HIF1A: variants seen among roughly 807,000 people sequenced by gnomAD.
HIF1A encodes hypoxia-inducible factor 1-alpha.
HIF1A carries 24 observed loss-of-function variants against 92.7 expected under a neutral mutation model. The ratio of observed to expected loss-of-function variants is 0.26; its 90% CI spans 0.19 to 0.36. HIF1A has a LOEUF of 0.36. Among genes scored for constraint, HIF1A ranks in the 10% least tolerant of loss-of-function variants. HIF1A has a pLI of 1.00. For synonymous variants in HIF1A, 319 were observed against 338.7 expected, an observed-to-expected ratio of 0.94 and a Z score of 0.64; for missense variants, 799 against 998.5, an observed-to-expected ratio of 0.80 and a Z score of 2.69.
At chr14:61,712,597 T>G (rs2044320419) in intron 1 of HIF1A, among the ~76,000 whole-genome samples, 1 of 148,272 alleles carries the variant, frequency 6.7e-6, no homozygotes, top group Non-Finnish European at 1.5e-5. Flanking sequence ...TGCTTGCTTA[T>G]ACTTGAAAAT....
chr14:61,738,833 C>T (rs1228004363), intron 10 of HIF1A, among the ~76,000 whole-genome samples: 2 of 152,134 alleles, frequency 1.3e-5, no homozygotes, highest in African/African-American at 4.8e-5. Flanking sequence ...ACCTCCCAGG[C>T]TCAAATGATT....
In HIF1A at chr14:61,695,673, G is replaced by T. The variant is rs964694859; in HGVS notation, c.-132G>T. 2 of 961,960 alleles carry T rather than the reference G, an allele frequency of 2.1e-6. No homozygotes were observed. The highest frequency in any genetic ancestry group is 2.6e-5 in the Admixed American group (1 of 39,214). The allele number at this position is 961,960 out of a possible 1,614,324, so 59.6% of individuals were successfully genotyped here. A position where few individuals can be genotyped will look rare whatever the true frequency, so the allele number is the denominator to read the frequency against. ...CCGCTTCTCTCTAGTCTCACGAGGGGTTTCCCGCCTCGCACCCCCACCTCT... is the reference window on the plus strand; with the variant it reads ...CCGCTTCTCTCTAGTCTCACGAGGGTTTTCCCGCCTCGCACCCCCACCTCT... On this transcript the variant is annotated 5_prime_UTR_variant, in exon 1 of 15. Coordinates refer to ENST00000337138, the MANE Select transcript of HIF1A (RefSeq NM_001530.4).
intron 8 of HIF1A, among the ~76,000 whole-genome samples, chr14:61,736,071 C>T (rs566696968): frequency 1.7e-4 from 26 of 151,482 alleles, no homozygotes; most frequent in Middle Eastern, 3.4e-3. Flanking sequence ...CTCCATTTCC[C>T]GAGCTCAAGT....
At chr14:61,706,552 C>T (rs543484208) in intron 1 of HIF1A, among the ~76,000 whole-genome samples, 1 of 152,314 alleles carries the variant, frequency 6.6e-6, no homozygotes, top group Non-Finnish European at 1.5e-5. Flanking sequence ...GATGTGTATT[C>T]AGTTATAGCT....
At chr14:61,745,042 A>T (rs985677255) in intron 13 of HIF1A, among the ~76,000 whole-genome samples, 2 of 152,158 alleles carry the variant, frequency 1.3e-5, no homozygotes, top group Non-Finnish European at 2.9e-5. Flanking sequence ...GTGTATTTTG[A>T]GTTAAAAAGT....
At chr14:61,729,178 A>G (rs981998879) in intron 6 of HIF1A, among the ~76,000 whole-genome samples, 2 of 152,050 alleles carry the variant, frequency 1.3e-5, no homozygotes, top group East Asian at 1.9e-4. Context: ...AATAAGAATC[A>G]TGGCTGGGTG....
At chr14:61,718,757 A>G (rs2044392025) in intron 1 of HIF1A, among the ~76,000 whole-genome samples, 1 of 152,200 alleles carries the variant, frequency 6.6e-6, no homozygotes, top group South Asian at 2.1e-4. Flanking sequence ...ATAGATTCAT[A>G]TAACTAGTTT....
At chr14:61,704,610 G>T (rs1036089726) in intron 1 of HIF1A, among the ~76,000 whole-genome samples, 2 of 152,134 alleles carry the variant, frequency 1.3e-5, no homozygotes, top group Admixed American at 6.5e-5. Context: ...ATATTTAAAT[G>T]GTTATAGTGT....
intron 1 of HIF1A, among the ~76,000 whole-genome samples, chr14:61,711,207 C>CTTTTTTTTTTTTTTTTTT (rs10615564): frequency 1.2e-5 from 1 of 86,124 alleles, no homozygotes; most frequent in African/African-American, 4.3e-5. Context: ...TTAAGTATTC[C>CTTTTTTTTTTTTTTTTTT]TTTTTTTTTT....
chr14:61,703,462 C>G (rs1399822857), intron 1 of HIF1A, among the ~76,000 whole-genome samples: 2 of 152,088 alleles, frequency 1.3e-5, no homozygotes, highest in Non-Finnish European at 2.9e-5. Context: ...CAAATGATCT[C>G]AGAGTGTAAT....
intron 1 of HIF1A, chr14:61,697,554 C>A (rs749356366): frequency 3.1e-6 from 1 of 317,830 alleles, no homozygotes; most frequent in Non-Finnish European, 4.8e-6. Flanking sequence ...AGCTACTGTT[C>A]ATCAGCCCCA....
At chr14:61,745,840 T>C in intron 14 of HIF1A, 23 bp downstream of exon 14, 1 of 1,578,168 alleles carries the variant, frequency 6.3e-7, no homozygotes, top group Non-Finnish European at 8.7e-7. Flanking sequence ...TTTTTGACCT[T>C]GAACATCACA....
chr14:61,714,986 A>T (rs1423141758), intron 1 of HIF1A, among the ~76,000 whole-genome samples: 1 of 152,152 alleles, frequency 6.6e-6, no homozygotes, highest in Non-Finnish European at 1.5e-5. Flanking sequence ...GTGAGCCGAG[A>T]TCGCGCCATT....
chr14:61,742,885 CA>C (rs766112676), intron 12 of HIF1A, among the ~76,000 whole-genome samples: 402 of 16,598 alleles, frequency 0.024, 4 homozygotes, highest in African/African-American at 0.046. Flanking sequence ...AACTCGGTTT[CA>C]AAAAAAAAAA....
At chr14:61,736,328 ATTTT>A (rs956522542) in intron 8 of HIF1A, among the ~76,000 whole-genome samples, 4 of 150,776 alleles carry the variant, frequency 2.7e-5, no homozygotes, top group Non-Finnish European at 1.5e-5. Context: ...TGTACTGGGG[ATTTT>A]TTTTTTAATT....
intron 12 of HIF1A, among the ~76,000 whole-genome samples, chr14:61,742,139 A>G (rs577852484): frequency 6.6e-6 from 1 of 152,350 alleles, no homozygotes; most frequent in African/African-American, 2.4e-5. Flanking sequence ...AGTTCAAACA[A>G]ACATATGGAC....
At chr14:61,706,539 T>C (rs1484620699) in intron 1 of HIF1A, among the ~76,000 whole-genome samples, 2 of 152,216 alleles carry the variant, frequency 1.3e-5, no homozygotes, top group Non-Finnish European at 2.9e-5. Context: ...TGGTATGTTA[T>C]AGGATGTGTA....
intron 1 of HIF1A, among the ~76,000 whole-genome samples, chr14:61,712,300 G>T (rs1319319498): frequency 2.0e-5 from 3 of 151,976 alleles, no homozygotes; most frequent in African/African-American, 7.3e-5. Flanking sequence ...TTTAAGAACA[G>T]TAAGGAGGCT....
intron 13 of HIF1A, 85 bp from the exon 14 acceptor site, chr14:61,745,606 T>C (rs778997767): frequency 1.4e-5 from 16 of 1,120,740 alleles, no homozygotes; most frequent in Non-Finnish European, 2.1e-5. Context: ...TATAATGTTA[T>C]TAAATTTACA....
Sources: gnomAD v4.1 joint callset for allele counts (sites outside exome capture counted in the v4.1 genomes callset) on GRCh38, gnomAD v4.1.1 for gene constraint, MANE v1.5 for transcripts, NCBI Gene and HGNC (gene_info 2026-07-23, HGNC 2026-07-21) for gene names.